HMCN1: variants seen among roughly 807,000 people sequenced by gnomAD.
The protein encoded by HMCN1 is hemicentin-1.
Under a neutral mutation model 625.9 loss-of-function variants are expected in HMCN1, and 321 were observed. The observed-to-expected ratio is 0.51, with a 90% CI of 0.47 to 0.56. The LOEUF (loss-of-function observed/expected upper bound fraction) is 0.56, where lower values mean the gene tolerates loss of function less well. Among genes scored for constraint, HMCN1 ranks in the 20% least tolerant of loss-of-function variants. HMCN1 has a pLI of 0.00. For synonymous variants in HMCN1, 2,425 were observed against 2,417.6 expected, an observed-to-expected ratio of 1.00 and a Z score of -0.09; for missense variants, 6,588 against 6,887.3, an observed-to-expected ratio of 0.96 and a Z score of 1.54.
intron 1 of HMCN1, among the ~76,000 whole-genome samples, chr1:185,780,727 A>C (rs1657019527): frequency 1.3e-5 from 2 of 152,120 alleles, no homozygotes; most frequent in African/African-American, 4.8e-5. Flanking sequence ...AAGCTTTTTG[A>C]TGTGCTGCTG....
At chr1:185,756,384 C>T (rs941560383) in intron 1 of HMCN1, among the ~76,000 whole-genome samples, 1 of 151,474 alleles carries the variant, frequency 6.6e-6, no homozygotes, top group Non-Finnish European at 1.5e-5. Flanking sequence ...AGGGTACATG[C>T]CTTGAGTTAG....
Position 185,812,631 on chromosome 1 carries a change from A to C in HMCN1, c.269-33395A>C, listed in dbSNP as rs139390840. ...ATTTAGCACAGATATTAGACTTTTG[A>C]AACAATTTATATGTTTGTACATCAA... On this transcript the variant is annotated intron_variant, in intron 1 of 106. Transcript: ENST00000271588. Among the ~76,000 whole-genome samples, 1,210 of 152,318 alleles carry C rather than the reference A, an allele frequency of 7.9e-3. 12 individuals carry two copies. Among genetic ancestry groups the C allele is most frequent in the African/African-American group, 0.028 (1,167 of 41,576 alleles).
chr1:185,943,891 G>T (rs1443805673), intron 11 of HMCN1, among the ~76,000 whole-genome samples: 1 of 152,100 alleles, frequency 6.6e-6, no homozygotes, highest in Non-Finnish European at 1.5e-5. Context: ...GCATACAAAA[G>T]ACACTCATCA....
At chr1:185,807,954 TAGAG>T (rs1303735580) in intron 1 of HMCN1, among the ~76,000 whole-genome samples, 5 of 152,198 alleles carry the variant, frequency 3.3e-5, no homozygotes, top group Non-Finnish European at 7.3e-5. Flanking sequence ...TTTCTGAAGG[TAGAG>T]AGACAGTTCT....
At chr1:186,176,405 G>A (rs1357977101) in intron 103 of HMCN1, among the ~76,000 whole-genome samples, 1 of 152,226 alleles carries the variant, frequency 6.6e-6, no homozygotes, top group African/African-American at 2.4e-5. Flanking sequence ...AACTAGAGAT[G>A]TGATTTCATT....
chr1:185,739,679 G>A (rs983239407), intron 1 of HMCN1, among the ~76,000 whole-genome samples: 10 of 152,056 alleles, frequency 6.6e-5, no homozygotes, highest in African/African-American at 2.2e-4. Flanking sequence ...ATAAAAGGGC[G>A]TAAAACAGAT....
rs541958149 is a variant in HMCN1, at chr1:186,157,579, G to T, written c.15256+3592G>T. 7.9e-5 allele frequency among the ~76,000 whole-genome samples: 12 copies of T among 152,210 alleles called. No homozygotes were observed. The East Asian group carries it at 1.2e-3, about 15-fold the overall frequency. On this transcript the variant is annotated intron_variant, in intron 97 of 106. Coordinates refer to ENST00000271588, the MANE Select transcript of HMCN1 (RefSeq NM_031935.3). The stretch of plus-strand genomic sequence containing the variant: ...TATACATGTGACATGCTGGTGCGCT[G>T]CACCCACTAACTCCCCCCACCCCAA...
chr1:185,789,320 G>C (rs1162863359), intron 1 of HMCN1, among the ~76,000 whole-genome samples: 1 of 152,178 alleles, frequency 6.6e-6, no homozygotes, highest in African/African-American at 2.4e-5. Context: ...TGGTTCGTGA[G>C]CACTCACTAG....
chr1:185,994,737 T>C, intron 23 of HMCN1, 78 bp from the exon 24 acceptor site: 1 of 1,391,950 alleles, frequency 7.2e-7, no homozygotes, highest in Non-Finnish European at 1.0e-6. Context: ...TGCCTGTTGA[T>C]AAGGAGCTCT....
intron 4 of HMCN1, among the ~76,000 whole-genome samples, chr1:185,868,740 C>A (rs1663426554): frequency 1.3e-5 from 2 of 151,930 alleles, no homozygotes; most frequent in African/African-American, 4.8e-5. Context: ...TTTTATATTT[C>A]TAATAATTTT....
chr1:186,170,003 G>C (rs1652122804), intron 100 of HMCN1, among the ~76,000 whole-genome samples: 1 of 151,328 alleles, frequency 6.6e-6, no homozygotes, highest in South Asian at 2.1e-4. Flanking sequence ...TCAAAAAGTG[G>C]TCAAAGGATA....
chr1:185,970,435 C>T lies in HMCN1; in HGVS notation c.2313C>T (p.Thr771=). 1 of 1,613,646 alleles carries T rather than the reference C, an allele frequency of 6.2e-7. No individual in the cohort carries two copies. Among genetic ancestry groups the T allele is most frequent in the Non-Finnish European group, 8.5e-7 (1 of 1,179,554 alleles). ...ETQDLDAGDY[T]CVAINEAGRA... ...AAGATCTGGATGCTGGCGATTATAC[C>T]TGTGTAGCCATCAATGAGGCTGGAA... Residue 771 remains threonine, a synonymous_variant, in exon 15 of 107, where the codon ACC becomes ACT. Transcript: ENST00000271588.
intron 55 of HMCN1, among the ~76,000 whole-genome samples, chr1:186,079,311 G>A (rs1485189388): frequency 1.3e-5 from 2 of 152,112 alleles, no homozygotes; most frequent in East Asian, 1.9e-4. Context: ...CTCTGGGGAC[G>A]AGCTGGTTCC....
intron 42 of HMCN1, among the ~76,000 whole-genome samples, chr1:186,049,659 G>A (rs1261807803): frequency 6.6e-6 from 1 of 151,872 alleles, no homozygotes; most frequent in Non-Finnish European, 1.5e-5. Flanking sequence ...CATTTTGATT[G>A]TATTTGTTTA....
chr1:186,033,124 A>T (rs189571301), intron 36 of HMCN1, among the ~76,000 whole-genome samples: 2 of 152,088 alleles, frequency 1.3e-5, no homozygotes, highest in Admixed American at 6.6e-5. Context: ...CATAAAAAGG[A>T]ATGAAATAAT....
chr1:185,765,573 G>A (rs1349048415), intron 1 of HMCN1, among the ~76,000 whole-genome samples: 2 of 152,084 alleles, frequency 1.3e-5, no homozygotes, highest in Non-Finnish European at 2.9e-5. Flanking sequence ...TCACAGATTA[G>A]GTCACCAAGA....
At chr1:186,059,855 G>A (rs1386591772) in intron 46 of HMCN1, among the ~76,000 whole-genome samples, 6 of 151,900 alleles carry the variant, frequency 3.9e-5, no homozygotes, top group Non-Finnish European at 5.9e-5. Flanking sequence ...TGGATTAAGC[G>A]AGAAGTCCAT....
intron 82 of HMCN1, among the ~76,000 whole-genome samples, chr1:186,126,250 T>C (rs565778823): frequency 8.9e-6 from 1 of 112,632 alleles, no homozygotes; most frequent in South Asian, 3.1e-4. Flanking sequence ...TCAACATAAA[T>C]ATTCATATAT....
chr1:186,043,253 A>G (rs960553179), intron 40 of HMCN1, among the ~76,000 whole-genome samples: 1 of 152,144 alleles, frequency 6.6e-6, no homozygotes, highest in African/African-American at 2.4e-5. Context: ...AATAAGGATA[A>G]TATCTTAGGA....
Sources: gnomAD v4.1 joint callset for allele counts (sites outside exome capture counted in the v4.1 genomes callset) on GRCh38, gnomAD v4.1.1 for gene constraint, MANE v1.5 for transcripts, NCBI Gene and HGNC (gene_info 2026-07-23, HGNC 2026-07-21) for gene names.